The following CEP128 variants were observed in gnomAD, a reference collection of about 807,000 sequenced individuals.
The protein encoded by CEP128 is centrosomal protein 128kDa.
In CEP128, 132 loss-of-function variants were observed where a neutral mutation model predicts 156.7. The ratio of observed to expected loss-of-function variants is 0.84; its 90% CI spans 0.73 to 0.97. The LOEUF (loss-of-function observed/expected upper bound fraction) is 0.97. CEP128 is among the 50% of genes least tolerant of loss of function. The pLI, the probability that CEP128 is intolerant of heterozygous loss-of-function variation, is 0.00. For missense variants in CEP128, 1,252 were observed against 1,281.9 expected (o/e 0.98, Z 0.36); for synonymous variants, 469 against 448.9 (o/e 1.04, Z -0.57).
chr14:80,940,442 T>C (rs900014049), intron 1 of CEP128, among the ~76,000 whole-genome samples: 1 of 152,250 alleles, frequency 6.6e-6, no homozygotes, highest in African/African-American at 2.4e-5. Flanking sequence ...TACTGAGCTC[T>C]AGCTCTTGCC....
chr14:80,894,853 A>G (rs1056657002), intron 8 of CEP128, among the ~76,000 whole-genome samples: 2 of 151,998 alleles, frequency 1.3e-5, no homozygotes, highest in Non-Finnish European at 2.9e-5. Flanking sequence ...TCAAACTCCA[A>G]AATGAACTCA....
At chr14:80,943,858 G>T (rs188880824), upstream of CEP128, among the ~76,000 whole-genome samples, 29 of 152,198 alleles carry the variant, frequency 1.9e-4, no homozygotes, top group Admixed American at 4.6e-4. Flanking sequence ...ACCAGGTGTG[G>T]TGGTGGGCAC....
Position 80,723,214 on chromosome 14 carries a change from C to T in CEP128, c.2806+19861G>A, listed in dbSNP as rs547221203. Among the ~76,000 whole-genome samples, 7 of 152,182 alleles carry T rather than the reference C, an allele frequency of 4.6e-5. No homozygotes were observed. In the East Asian group the frequency reaches 1.4e-3, roughly 29 times the overall value. On this transcript the variant is annotated intron_variant, in intron 19 of 24. Transcript: ENST00000555265. ...CAGTCCCCATGTAATATAAAAATGC[C>T]AGAATCCTTAAAGGTGAAATGAGTC...
intron 8 of CEP128, among the ~76,000 whole-genome samples, chr14:80,881,166 A>G (rs1888535418): frequency 6.6e-6 from 1 of 152,020 alleles, no homozygotes; most frequent in African/African-American, 2.4e-5. Context: ...AATAAAATTG[A>G]CAAACCTTTA....
chr14:80,802,026 G>T lies in CEP128; in HGVS notation c.1210-8916C>A, dbSNP rs574954140. On this transcript the variant is annotated intron_variant, in intron 13 of 24. Coordinates refer to ENST00000555265, the MANE Select transcript of CEP128 (RefSeq NM_152446.5). Reference sequence around the variant, plus strand: ...TAGTCAGAATGGCAATTATTAAAAAGTCAGGAAATAATAGATGCTGGTGAG... The same window carrying T: ...TAGTCAGAATGGCAATTATTAAAAATTCAGGAAATAATAGATGCTGGTGAG... Among the ~76,000 whole-genome samples the T allele has an allele frequency of 2.0e-5, 3 of 146,504 alleles. No individual in the cohort carries two copies. The East Asian group carries it at 6.2e-4, about 30-fold the overall frequency.
chr14:80,639,124 A>T (rs2140777065), intron 19 of CEP128, among the ~76,000 whole-genome samples: 1 of 152,294 alleles, frequency 6.6e-6, no homozygotes, highest in Non-Finnish European at 1.5e-5. Flanking sequence ...ACCAAAAAAA[A>T]TCTGTATTAA....
rs56044651 is a variant in CEP128 at position 80,609,869 on chromosome 14, C to T, written c.2807-29446G>A. ...GTATGTGAGTCAAAAAAAAATCACA[C>T]AGTTGGAAAAAAAAATGTTCACAGT... is the stretch of plus-strand genomic sequence containing the variant. On this transcript the variant is annotated intron_variant, in intron 19 of 24. Transcript: ENST00000555265. Among the ~76,000 whole-genome samples, 757 of 151,700 alleles carry T rather than the reference C, an allele frequency of 5.0e-3. 13 individuals are homozygous for T. Among genetic ancestry groups the T allele is most frequent in the African/African-American group, 0.017 (713 of 41,344 alleles).
intron 19 of CEP128, among the ~76,000 whole-genome samples, chr14:80,591,137 G>C (rs941523198): frequency 6.6e-6 from 1 of 152,092 alleles, no homozygotes; most frequent in Non-Finnish European, 1.5e-5. Flanking sequence ...ATAATGACAG[G>C]ATCAAATTCA....
At chr14:80,808,016 G>T (rs953419025) in intron 13 of CEP128, among the ~76,000 whole-genome samples, 40 of 152,104 alleles carry the variant, frequency 2.6e-4, no homozygotes, top group African/African-American at 9.7e-4. Context: ...TGAAACAAAG[G>T]ATACCAAGGC....
chr14:80,591,017 C>T (rs779907008), intron 19 of CEP128, among the ~76,000 whole-genome samples: 60 of 149,794 alleles, frequency 4.0e-4, no homozygotes, highest in African/African-American at 1.2e-3. Flanking sequence ...GCACTAAATA[C>T]GGAAAGGAAA....
rs758668518 is a variant in CEP128 at position 80,830,276 on chromosome 14, T to C, written c.1209+867A>G. Reference sequence around the variant, plus strand: ...AACCAAATTTAAAAGACATTTTCTATTGATGTGCTGACAAGATGAAAGAGA... The same window carrying C: ...AACCAAATTTAAAAGACATTTTCTACTGATGTGCTGACAAGATGAAAGAGA... On this transcript the variant is annotated intron_variant, in intron 13 of 24. Transcript: ENST00000555265. 3.5e-4 allele frequency: 214 copies of C among 616,890 alleles called. 1 individual carries two copies. Among genetic ancestry groups the C allele is most frequent in the East Asian group, 6.5e-4 (23 of 35,376 alleles). 38.2% of individuals were successfully genotyped at this position (616,890 alleles called of 1,614,324 possible).
chr14:80,865,406 T>C (rs1460767797), intron 8 of CEP128, among the ~76,000 whole-genome samples: 1 of 152,230 alleles, frequency 6.6e-6, no homozygotes, highest in Non-Finnish European at 1.5e-5. Context: ...ATGGGGTGTA[T>C]AGATGTCTCT....
chr14:80,881,858 A>G (rs546558703), intron 8 of CEP128, among the ~76,000 whole-genome samples: 1 of 152,308 alleles, frequency 6.6e-6, no homozygotes, highest in East Asian at 1.9e-4. Flanking sequence ...ACCAAGGAAT[A>G]TACCTCAACA....
chr14:80,793,238 C>T, intron 13 of CEP128, 128 bp from the exon 14 acceptor site: 1 of 670,206 alleles, frequency 1.5e-6, no homozygotes, highest in Admixed American at 3.1e-5. Flanking sequence ...CATTAGCAAT[C>T]AATTTAGAAA....
At chr14:80,637,279 T>G (rs992508263) in intron 19 of CEP128, among the ~76,000 whole-genome samples, 19 of 152,204 alleles carry the variant, frequency 1.2e-4, no homozygotes, top group African/African-American at 4.1e-4. Flanking sequence ...ATATTAAGGT[T>G]GTGAATCAGT....
intron 13 of CEP128, among the ~76,000 whole-genome samples, chr14:80,825,298 G>T (rs1180953332): frequency 6.6e-6 from 1 of 152,148 alleles, no homozygotes. Context: ...TTGTAGATAT[G>T]GGGTTTCACT....
chr14:80,502,735 T>G (rs577537843), intron 24 of CEP128, among the ~76,000 whole-genome samples: 3 of 152,102 alleles, frequency 2.0e-5, no homozygotes, highest in African/African-American at 7.3e-5. Context: ...CTCTGTTCCC[T>G]GTATTACTCA....
At chr14:80,845,582 GA>G (rs1279173787) in intron 9 of CEP128, among the ~76,000 whole-genome samples, 1 of 152,126 alleles carries the variant, frequency 6.6e-6, no homozygotes, top group Non-Finnish European at 1.5e-5. Flanking sequence ...GATAATTATG[GA>G]AATTTAATTT....
At chr14:80,846,681 T>C (rs539629587) in intron 9 of CEP128, among the ~76,000 whole-genome samples, 2 of 152,310 alleles carry the variant, frequency 1.3e-5, no homozygotes, top group South Asian at 2.1e-4. Context: ...TAATAATTAA[T>C]AGCCTTTAGT....
Sources: gnomAD v4.1 joint callset for allele counts (sites outside exome capture counted in the v4.1 genomes callset) on GRCh38, gnomAD v4.1.1 for gene constraint, MANE v1.5 for transcripts, NCBI Gene and HGNC (gene_info 2026-07-23, HGNC 2026-07-21) for gene names.